Variants in SYT1 observed in about 807,000 individuals in gnomAD.
SYT1 encodes synaptotagmin 1, also known as synaptotagmin-1.
SYT1 carries 8 observed loss-of-function variants against 44.8 expected under a neutral mutation model. That is an observed-to-expected ratio of 0.18 (90% CI 0.10 to 0.32). SYT1 has a LOEUF of 0.32. Ranked by LOEUF, SYT1 falls within the 10% of genes least tolerant of loss-of-function variation. The probability of loss-of-function intolerance (pLI) is 1.00; values close to 1 mark genes in which losing one functional copy is unlikely to be tolerated. For missense variants in SYT1, 286 were observed against 509.3 expected (o/e 0.56, Z 4.22); for synonymous variants, 154 against 188.8 (o/e 0.82, Z 1.51).
At chr12:79,216,984 A>T (rs754153908) in intron 3 of SYT1, among the ~76,000 whole-genome samples, 1 of 152,166 alleles carries the variant, frequency 6.6e-6, no homozygotes, top group Non-Finnish European at 1.5e-5. Context: ...TAATATATTC[A>T]TAACATCTTA....
chr12:79,057,838 C>T (rs1333539279), intron 3 of SYT1, among the ~76,000 whole-genome samples: 4 of 151,874 alleles, frequency 2.6e-5, no homozygotes, highest in Admixed American at 6.6e-5. Flanking sequence ...TGGCTTCAGG[C>T]TGCTAAAAGC....
chr12:78,924,273 T>C (rs1877176384), intron 1 of SYT1, among the ~76,000 whole-genome samples: 1 of 151,962 alleles, frequency 6.6e-6, no homozygotes, highest in Non-Finnish European at 1.5e-5. Flanking sequence ...TGGTGTTTGC[T>C]AGTATAGGCA....
At chr12:79,119,473 T>A (rs897067461) in intron 3 of SYT1, among the ~76,000 whole-genome samples, 2 of 149,672 alleles carry the variant, frequency 1.3e-5, no homozygotes, top group African/African-American at 4.9e-5. Flanking sequence ...TTTTCTCACA[T>A]AAGGTGTTTT....
At chr12:79,149,702 C>T (rs1413124368) in intron 3 of SYT1, among the ~76,000 whole-genome samples, 1 of 152,132 alleles carries the variant, frequency 6.6e-6, no homozygotes, top group African/African-American at 2.4e-5. Flanking sequence ...ATCACTGCCT[C>T]AGGGACTGCT....
At chr12:78,886,001 C>A (rs1874727972) in intron 1 of SYT1, among the ~76,000 whole-genome samples, 1 of 151,812 alleles carries the variant, frequency 6.6e-6, no homozygotes, top group Non-Finnish European at 1.5e-5. Flanking sequence ...GAAATACATT[C>A]CTATCCATTT....
chr12:79,384,523 T>C (rs1884352520), intron 9 of SYT1, among the ~76,000 whole-genome samples: 1 of 152,192 alleles, frequency 6.6e-6, no homozygotes, highest in Admixed American at 6.5e-5. Context: ...AACACTAGCA[T>C]GTAAAATGTA....
chr12:79,403,702 A>G (rs1885148371), intron 9 of SYT1, among the ~76,000 whole-genome samples: 1 of 152,140 alleles, frequency 6.6e-6, no homozygotes, highest in South Asian at 2.1e-4. Flanking sequence ...GATAAATAGC[A>G]GATGTATTTC....
intron 1 of SYT1, among the ~76,000 whole-genome samples, chr12:78,899,531 G>A (rs979878915): frequency 6.6e-6 from 1 of 151,972 alleles, no homozygotes; most frequent in African/African-American, 2.4e-5. Flanking sequence ...ATATTTAAGT[G>A]TGGGTGGAGA....
chr12:79,157,373 G>A (rs1197164968), intron 3 of SYT1, among the ~76,000 whole-genome samples: 1 of 152,142 alleles, frequency 6.6e-6, no homozygotes, highest in Non-Finnish European at 1.5e-5. Context: ...CTGACACTAG[G>A]TGAAAAAACC....
chr12:79,403,169 T>C lies in SYT1; in HGVS notation c.929-40904T>C, dbSNP rs540040944. Among the ~76,000 whole-genome samples, 9 of 152,288 alleles carry C rather than the reference T, an allele frequency of 5.9e-5. No homozygotes were observed. The South Asian group carries it at 1.9e-3, about 32-fold the overall frequency. On this transcript the variant is annotated intron_variant, in intron 9 of 10. Transcript: ENST00000261205. The stretch of plus-strand genomic sequence containing the variant: ...GAAGACATTCATAAGGAAAGATGTA[T>C]CTTCATGCTTCAGCCAAAACCCAGA...
intron 3 of SYT1, among the ~76,000 whole-genome samples, chr12:79,072,109 T>C (rs1410368546): frequency 6.6e-6 from 1 of 152,190 alleles, no homozygotes. Context: ...ATTTCATTGT[T>C]ATCTGTAGAA....
chr12:79,087,686 T>C (rs1195164966), intron 3 of SYT1, among the ~76,000 whole-genome samples: 2 of 151,880 alleles, frequency 1.3e-5, no homozygotes, highest in Non-Finnish European at 2.9e-5. Flanking sequence ...ATTCTGGGAG[T>C]TGAAGGAACA....
In SYT1 at chr12:79,383,724, A is replaced by G. The variant is rs1884319342; in HGVS notation, c.928+30105A>G. Among the ~76,000 whole-genome samples the G allele has an allele frequency of 2.0e-5, 3 of 152,276 alleles. 1 individual carries two copies. Among genetic ancestry groups the G allele is most frequent in the Middle Eastern group, 6.8e-3 (2 of 294 alleles). On this transcript the variant is annotated intron_variant, in intron 9 of 10. Coordinates refer to ENST00000261205, the MANE Select transcript of SYT1 (RefSeq NM_005639.3). ...CATCTTATAGGGAGTGAATCCCTAG[A>G]TTACTCACAGACACATGAAAATAAA...
intron 3 of SYT1, among the ~76,000 whole-genome samples, chr12:79,188,311 T>C (rs1872918804): frequency 6.6e-6 from 1 of 152,122 alleles, no homozygotes; most frequent in Non-Finnish European, 1.5e-5. Context: ...ATTTGGAACT[T>C]ATAAAAAATG....
intron 3 of SYT1, among the ~76,000 whole-genome samples, chr12:79,209,118 T>A (rs973133315): frequency 2.0e-5 from 3 of 152,192 alleles, no homozygotes; most frequent in African/African-American, 7.2e-5. Flanking sequence ...TCAGCTCTCA[T>A]CCATAGTGAC....
At chr12:78,987,616 C>A (rs534799185) in intron 2 of SYT1, among the ~76,000 whole-genome samples, 28 of 152,064 alleles carry the variant, frequency 1.8e-4, no homozygotes, top group African/African-American at 5.5e-4. Flanking sequence ...GAATATGAAA[C>A]CTTACTTGAG....
At chr12:79,111,673 A>G (rs1231912463) in intron 3 of SYT1, among the ~76,000 whole-genome samples, 3 of 151,866 alleles carry the variant, frequency 2.0e-5, no homozygotes, top group African/African-American at 7.3e-5. Context: ...TATGGTGAGT[A>G]TTTAAATAAG....
At chr12:79,391,946 T>C (rs1884672004) in intron 9 of SYT1, among the ~76,000 whole-genome samples, 1 of 126,714 alleles carries the variant, frequency 7.9e-6, no homozygotes, top group Non-Finnish European at 1.7e-5. Flanking sequence ...TATCAATCCA[T>C]TGTTGAAAGG....
intron 3 of SYT1, among the ~76,000 whole-genome samples, chr12:79,139,846 C>G (rs11834640): frequency 0.11 from 16,342 of 152,246 alleles, 1,239 homozygotes; most frequent in African/African-American, 0.22. Flanking sequence ...ATGAGTGAGT[C>G]ATGGTGTTTC....
Sources: gnomAD v4.1 joint callset for allele counts (sites outside exome capture counted in the v4.1 genomes callset) on GRCh38, gnomAD v4.1.1 for gene constraint, MANE v1.5 for transcripts, NCBI Gene and HGNC (gene_info 2026-07-23, HGNC 2026-07-21) for gene names.